The following RASAL2 variants were observed in gnomAD, a reference collection of about 807,000 sequenced individuals.
The protein encoded by RASAL2 is RAS protein activator like 2.
A neutral mutation model predicts 128.9 loss-of-function variants in RASAL2; 58 were observed. That is an observed-to-expected ratio of 0.45 (90% CI 0.36 to 0.56). The LOEUF is 0.56. Among genes scored for constraint, RASAL2 ranks in the 20% least tolerant of loss-of-function variants. RASAL2 has a pLI of 0.00. For synonymous variants in RASAL2, 561 were observed against 580.8 expected, an observed-to-expected ratio of 0.97 and a Z score of 0.49; for missense variants, 1,360 against 1,601.6, an observed-to-expected ratio of 0.85 and a Z score of 2.57.
chr1:178,180,663 T>TCTCA (rs1553256843), intron 1 of RASAL2, among the ~76,000 whole-genome samples: 1 of 139,158 alleles, frequency 7.2e-6, no homozygotes, highest in Non-Finnish European at 1.5e-5. Flanking sequence ...CGAGACTGTC[T>TCTCA]CACACACACA....
rs1369858646 is a variant in RASAL2 at position 178,439,698 on chromosome 1, A to G, written c.828+123A>G. ...TAATTAACTGGTTTTCAGTTGCTAG[A>G]AATTATCTACTTACAGAGAAAAAGT... is the stretch of plus-strand genomic sequence containing the variant. On this transcript the variant is annotated intron_variant, in intron 6 of 17. Coordinates refer to ENST00000367649, the MANE Select transcript of RASAL2 (RefSeq NM_170692.4). The G allele has an allele frequency of 4.8e-6, 4 of 837,414 alleles. No individual in the cohort carries two copies. In the African/African-American group the frequency reaches 7.0e-5, roughly 15 times the overall value. The allele number at this position is 837,414 out of a possible 1,614,324, so 51.9% of individuals were successfully genotyped here. A position where few individuals can be genotyped will look rare whatever the true frequency, so the allele number is the denominator to read the frequency against.
At chr1:178,101,301 A>G (rs1224587684) in intron 1 of RASAL2, among the ~76,000 whole-genome samples, 1 of 152,230 alleles carries the variant, frequency 6.6e-6, no homozygotes, top group Non-Finnish European at 1.5e-5. Context: ...GGGTTCAGAT[A>G]TGAGCTGTCT....
chr1:178,097,295 G>C lies in RASAL2; in HGVS notation c.202+2601G>C, dbSNP rs1001430222. Reference sequence around the variant, plus strand: ...GGAATCTGGAGTAATTGGTATCTGTGGTCCCTTTTAGCTTTAAAGTTGTCT... The same window carrying C: ...GGAATCTGGAGTAATTGGTATCTGTCGTCCCTTTTAGCTTTAAAGTTGTCT... On this transcript the variant is annotated intron_variant, in intron 1 of 17. Transcript: ENST00000367649. Among the ~76,000 whole-genome samples, 85 of 152,296 alleles carry C rather than the reference G, an allele frequency of 5.6e-4. 1 individual carries two copies. The highest frequency in any genetic ancestry group is 1.9e-3 in the African/African-American group (80 of 41,554).
intron 1 of RASAL2, among the ~76,000 whole-genome samples, chr1:178,210,451 G>A (rs1229505057): frequency 3.9e-5 from 6 of 152,140 alleles, no homozygotes; most frequent in East Asian, 1.9e-4. Context: ...AACATTATAC[G>A]AAATTATAGT....
chr1:178,159,904 A>AAAAC (rs890728705), intron 1 of RASAL2, among the ~76,000 whole-genome samples: 65 of 152,214 alleles, frequency 4.3e-4, no homozygotes, highest in African/African-American at 7.5e-4. Context: ...GACTCTGTCT[A>AAAAC]AAACAAACAA....
chr1:178,454,170 T>C (rs976287888), intron 11 of RASAL2, among the ~76,000 whole-genome samples: 1 of 146,414 alleles, frequency 6.8e-6, no homozygotes, highest in Non-Finnish European at 1.5e-5. Flanking sequence ...GAGGGCTATA[T>C]TGCAGAGAAA....
chr1:178,341,851 A>G (rs562723784), intron 3 of RASAL2, among the ~76,000 whole-genome samples: 3 of 152,340 alleles, frequency 2.0e-5, no homozygotes, highest in African/African-American at 7.2e-5. Flanking sequence ...TTAAAAGAAT[A>G]ATGACCATAG....
At position 178,153,997 on chromosome 1, in the gene RASAL2, G is replaced by A. The variant is rs142138479; in HGVS notation, c.202+59303G>A. ...ATTATAGGCGCCCGCCACCACGCCT[G>A]GCTAATTTTTGTACTTTTATTAGAG... On this transcript the variant is annotated intron_variant, in intron 1 of 17. Coordinates refer to ENST00000367649, the MANE Select transcript of RASAL2 (RefSeq NM_170692.4). Among the ~76,000 whole-genome samples, 389 of 152,018 alleles carry A rather than the reference G, an allele frequency of 2.6e-3. 2 individuals carry two copies. The highest frequency in any genetic ancestry group is 8.6e-3 in the African/African-American group (356 of 41,482).
intron 3 of RASAL2, among the ~76,000 whole-genome samples, chr1:178,330,348 A>G (rs1669235951): frequency 6.6e-6 from 1 of 152,198 alleles, no homozygotes. Context: ...CTGAGAAATT[A>G]TTTCACTAAA....
intron 17 of RASAL2, 117 bp from the exon 18 acceptor site, chr1:178,472,954 TTGTC>T (rs1648407030): frequency 8.7e-7 from 1 of 1,154,092 alleles, no homozygotes. Context: ...GACGTTCCAT[TTGTC>T]TGGGAAGCAC....
At chr1:178,373,280 T>TTTTTTTTTTTTTTTTTTTTTTTTTTTTG in intron 3 of RASAL2, among the ~76,000 whole-genome samples, 1 of 143,916 alleles carries the variant, frequency 6.9e-6, no homozygotes, top group Non-Finnish European at 1.5e-5. Flanking sequence ...TTTCCTTTTT[T>TTTTTTTTTTTTTTTTTTTTTTTTTTTTG]TTTTTTTTTG....
At chr1:178,244,633 TGTGCC>T (rs1224115850) in intron 1 of RASAL2, among the ~76,000 whole-genome samples, 4 of 152,230 alleles carry the variant, frequency 2.6e-5, no homozygotes, top group Non-Finnish European at 5.9e-5. Context: ...TAGGTATACA[TGTGCC>T]ATGGTGGTTT....
chr1:178,110,008 A>T (rs1238408014), intron 1 of RASAL2, among the ~76,000 whole-genome samples: 1 of 152,192 alleles, frequency 6.6e-6, no homozygotes, highest in Non-Finnish European at 1.5e-5. Flanking sequence ...ACAGAGTGAG[A>T]CACCATCTCT....
At chr1:178,466,185 C>A (rs537632886) in intron 16 of RASAL2, 63 bp downstream of exon 16, 2 of 1,457,380 alleles carry the variant, frequency 1.4e-6, no homozygotes, top group East Asian at 5.0e-5. Context: ...AGATGATCCA[C>A]AGAACCCTGA....
At chr1:178,221,813 G>A (rs757648037) in intron 1 of RASAL2, among the ~76,000 whole-genome samples, 5 of 152,084 alleles carry the variant, frequency 3.3e-5, no homozygotes, top group Admixed American at 1.3e-4. Context: ...TATTCTCACC[G>A]ATTTTCTGCC....
intron 5 of RASAL2, among the ~76,000 whole-genome samples, chr1:178,424,711 C>T (rs1468239174): frequency 3.3e-5 from 5 of 152,090 alleles, no homozygotes; most frequent in Non-Finnish European, 5.9e-5. Context: ...ATTTGCCCAC[C>T]CTGGCCTCCC....
intron 1 of RASAL2, among the ~76,000 whole-genome samples, chr1:178,227,633 G>A (rs182776658): frequency 2.0e-5 from 3 of 152,216 alleles, no homozygotes; most frequent in African/African-American, 7.2e-5. Context: ...TGCCTGATAG[G>A]TAGGTGCTCA....
At chr1:178,382,506 G>A (rs1383867261) in intron 3 of RASAL2, among the ~76,000 whole-genome samples, 1 of 151,904 alleles carries the variant, frequency 6.6e-6, no homozygotes, top group African/African-American at 2.4e-5. Context: ...AACACATGGA[G>A]AACAGGATAG....
At chr1:178,209,159 A>C (rs1228674473) in intron 1 of RASAL2, among the ~76,000 whole-genome samples, 1 of 151,804 alleles carries the variant, frequency 6.6e-6, no homozygotes, top group South Asian at 2.1e-4. Context: ...ATCCCACCCC[A>C]CACATATTTT....
Sources: gnomAD v4.1 joint callset for allele counts (sites outside exome capture counted in the v4.1 genomes callset) on GRCh38, gnomAD v4.1.1 for gene constraint, MANE v1.5 for transcripts, NCBI Gene and HGNC (gene_info 2026-07-23, HGNC 2026-07-21) for gene names.